The following TBCA variants were observed in gnomAD, a reference collection of about 807,000 sequenced individuals.
TBCA encodes the protein tubulin-specific chaperone A.
A neutral mutation model predicts 15.8 loss-of-function variants in TBCA; 6 were observed. The observed-to-expected ratio is 0.38, with a 90% CI of 0.21 to 0.75. The LOEUF (loss-of-function observed/expected upper bound fraction) is 0.75. Among genes scored for constraint, TBCA ranks in the 30% least tolerant of loss-of-function variants. The pLI, the probability that TBCA is intolerant of heterozygous loss-of-function variation, is 0.46. For synonymous variants in TBCA, 32 were observed against 42.3 expected (o/e 0.76, Z 0.94); for missense variants, 90 against 131.2 (o/e 0.69, Z 1.53).
At chr5:77,693,135 T>C (rs1321035930) in intron 3 of TBCA, 131 bp downstream of exon 3, 2 of 1,513,056 alleles carry the variant, frequency 1.3e-6, no homozygotes, top group African/African-American at 1.4e-5. Flanking sequence ...TTTTAAAATA[T>C]AGCGGTATAA....
chr5:77,761,704 T>C (rs1035490313), intron 1 of TBCA, among the ~76,000 whole-genome samples: 1 of 152,172 alleles, frequency 6.6e-6, no homozygotes, highest in African/African-American at 2.4e-5. Flanking sequence ...TCACTTTTTT[T>C]TTTTTTTGGC....
At chr5:77,750,616 T>C (rs1333108945) in intron 1 of TBCA, among the ~76,000 whole-genome samples, 1 of 152,098 alleles carries the variant, frequency 6.6e-6, no homozygotes, top group Admixed American at 6.5e-5. Context: ...AAGCAGAAGC[T>C]ATTGAAAAGA....
intron 1 of TBCA, among the ~76,000 whole-genome samples, chr5:77,746,083 C>T (rs559667252): frequency 9.9e-5 from 15 of 152,178 alleles, no homozygotes; most frequent in South Asian, 6.2e-4. Context: ...TGGTTCCCAA[C>T]GGGGCATTTC....
intron 1 of TBCA, among the ~76,000 whole-genome samples, chr5:77,714,594 T>C (rs182664431): frequency 2.4e-4 from 36 of 149,494 alleles, no homozygotes; most frequent in African/African-American, 8.7e-4. Context: ...TGAGATGGAG[T>C]CTGTCTCTGT....
intron 1 of TBCA, among the ~76,000 whole-genome samples, chr5:77,733,401 A>G (rs993684202): frequency 5.9e-5 from 9 of 152,252 alleles, no homozygotes; most frequent in African/African-American, 1.9e-4. Flanking sequence ...ATGCAAAGGA[A>G]AACTTCTTGA....
intron 1 of TBCA, among the ~76,000 whole-genome samples, chr5:77,747,380 T>C (rs1747211551): frequency 6.6e-6 from 1 of 152,106 alleles, no homozygotes; most frequent in Admixed American, 6.6e-5. Context: ...CAAAACGTAA[T>C]ATAAAATATT....
intron 1 of TBCA, among the ~76,000 whole-genome samples, chr5:77,734,689 G>A (rs548195172): frequency 1.7e-3 from 255 of 152,342 alleles, no homozygotes; most frequent in Middle Eastern, 0.014. Context: ...CTTAGTTGAT[G>A]AAGCGGTAGA....
At chr5:77,713,700 CCTA>C (rs1746333243) in intron 1 of TBCA, among the ~76,000 whole-genome samples, 1 of 152,158 alleles carries the variant, frequency 6.6e-6, no homozygotes, top group Admixed American at 6.5e-5. Context: ...ACTATTTCAG[CCTA>C]CTATGATTTT....
At chr5:77,739,102 G>A (rs1746975076) in intron 1 of TBCA, among the ~76,000 whole-genome samples, 1 of 152,198 alleles carries the variant, frequency 6.6e-6, no homozygotes, top group Admixed American at 6.5e-5. Flanking sequence ...ATATGTATAT[G>A]TATTAGTGTA....
chr5:77,766,108 C>T (rs879782221), intron 1 of TBCA, among the ~76,000 whole-genome samples: 3 of 151,886 alleles, frequency 2.0e-5, no homozygotes, highest in Non-Finnish European at 4.4e-5. Flanking sequence ...TACCTATGTC[C>T]CTACTATTTT....
chr5:77,772,417 T>A (rs1284153183), intron 1 of TBCA, among the ~76,000 whole-genome samples: 1 of 152,020 alleles, frequency 6.6e-6, no homozygotes, highest in Non-Finnish European at 1.5e-5. Flanking sequence ...ATGGCACATG[T>A]GTACCTATAT....
At chr5:77,759,802 G>A (rs1028893150) in intron 1 of TBCA, among the ~76,000 whole-genome samples, 1 of 152,034 alleles carries the variant, frequency 6.6e-6, no homozygotes, top group Admixed American at 6.5e-5. Flanking sequence ...AGAATACTAT[G>A]TATACTTTGT....
chr5:77,705,614 G>A (rs779027392), intron 2 of TBCA: 1 of 398,266 alleles, frequency 2.5e-6, no homozygotes, highest in Non-Finnish European at 4.4e-6. Context: ...GATCACTGGA[G>A]GCCAGGAGTT....
At chr5:77,704,855 T>C (rs374316645) in intron 2 of TBCA, among the ~76,000 whole-genome samples, 2 of 152,362 alleles carry the variant, frequency 1.3e-5, no homozygotes, top group African/African-American at 4.8e-5. Context: ...TGTAATCAGA[T>C]ATGAAATGTT....
chr5:77,716,355 T>A (rs1221230824), intron 1 of TBCA, among the ~76,000 whole-genome samples: 2 of 152,320 alleles, frequency 1.3e-5, no homozygotes, highest in East Asian at 1.9e-4. Flanking sequence ...CTCCTAAAAC[T>A]TTTTTGCCAT....
intron 3 of TBCA, chr5:77,692,823 T>A: frequency 9.4e-7 from 1 of 1,065,918 alleles, no homozygotes; most frequent in African/African-American, 1.7e-5. Context: ...TACCAGGTTT[T>A]TTCCCCCTCT....
At chr5:77,697,422 C>A (rs1745896958) in intron 2 of TBCA, among the ~76,000 whole-genome samples, 1 of 152,058 alleles carries the variant, frequency 6.6e-6, no homozygotes, top group Admixed American at 6.5e-5. Flanking sequence ...AACTGAAATC[C>A]TACATAATAC....
chr5:77,760,694 A>G (rs1418738320), intron 1 of TBCA, among the ~76,000 whole-genome samples: 1 of 152,200 alleles, frequency 6.6e-6, no homozygotes, highest in Non-Finnish European at 1.5e-5. Context: ...AGGTGCTGGG[A>G]TTGCAGACGG....
At chr5:77,736,827 G>T (rs145806653) in intron 1 of TBCA, among the ~76,000 whole-genome samples, 1 of 152,268 alleles carries the variant, frequency 6.6e-6, no homozygotes, top group East Asian at 1.9e-4. Flanking sequence ...ATAACACAGA[G>T]CTATATAATG....
Sources: allele counts gnomAD v4.1 joint callset (sites outside exome capture counted in the v4.1 genomes callset), GRCh38; gene constraint gnomAD v4.1.1; transcripts MANE v1.5; gene names NCBI Gene and HGNC (gene_info 2026-07-23, HGNC 2026-07-21).